The following PIK3CA variants were observed in gnomAD, a reference collection of about 807,000 sequenced individuals.
The protein encoded by PIK3CA is phosphatidylinositol 4,5-bisphosphate 3-kinase catalytic subunit alpha isoform.
In PIK3CA, 27 loss-of-function variants were observed where a neutral mutation model predicts 138.2. The observed-to-expected ratio is 0.20, with a 90% CI of 0.14 to 0.27. PIK3CA has a LOEUF of 0.27. Among genes scored for constraint, PIK3CA ranks in the 10% least tolerant of loss-of-function variants. The probability of loss-of-function intolerance (pLI) is 1.00; values close to 1 mark genes in which losing one functional copy is unlikely to be tolerated. For synonymous variants in PIK3CA, 358 were observed against 413.2 expected (o/e 0.87, Z 1.62); for missense variants, 544 against 1,277.4 (o/e 0.43, Z 8.75).
intron 1 of PIK3CA, among the ~76,000 whole-genome samples, chr3:179,193,654 T>C (rs1724192481): frequency 6.6e-6 from 1 of 152,264 alleles, no homozygotes; most frequent in Non-Finnish European, 1.5e-5. Context: ...ACACACACTC[T>C]TCTAAGCAAA....
intron 1 of PIK3CA, among the ~76,000 whole-genome samples, chr3:179,193,743 AATTT>A (rs1369901667): frequency 6.6e-6 from 1 of 152,272 alleles, no homozygotes; most frequent in Non-Finnish European, 1.5e-5. Flanking sequence ...AAGCAAAACC[AATTT>A]ATTTACTCTT....
In PIK3CA at chr3:179,201,395, A is replaced by G. The variant is rs943131817; in HGVS notation, c.668A>G (p.Glu223Gly). Reference sequence around the variant, plus strand: ...TGTGTACCAGAACAAGTAATTGCTGAAGCAATCAGGAAAAAAACTCGAAGT... The same window carrying G: ...TGTGTACCAGAACAAGTAATTGCTGGAGCAATCAGGAAAAAAACTCGAAGT... ...HDCVPEQVIA[E>G]AIRKKTRSML... is the part of the protein sequence containing the mutation. The change falls in exon 4 of 21, where the codon GAA becomes GGA. Residue 223 changes from glutamate (E) to glycine (G), a missense_variant. By Grantham distance (98) the Glu-to-Gly change is moderately conservative. Coordinates refer to ENST00000263967, the MANE Select transcript of PIK3CA (RefSeq NM_006218.4). The G allele has an allele frequency of 1.9e-6, 3 of 1,613,730 alleles. No individual in the cohort carries two copies. The highest frequency in any genetic ancestry group is 2.5e-6 in the Non-Finnish European group (3 of 1,179,786).
intron 1 of PIK3CA, among the ~76,000 whole-genome samples, chr3:179,172,148 T>A (rs186899282): frequency 6.6e-6 from 1 of 152,114 alleles, no homozygotes; most frequent in East Asian, 1.9e-4. Context: ...AAAAAAGTGA[T>A]CATCTCAATA....
intron 1 of PIK3CA, among the ~76,000 whole-genome samples, chr3:179,174,943 ATAAT>A (rs1178111168): frequency 6.6e-6 from 1 of 152,134 alleles, no homozygotes; most frequent in Non-Finnish European, 1.5e-5. Flanking sequence ...CTCACATGTG[ATAAT>A]TAGTTTGGTT....
chr3:179,162,130 C>A (rs983881640), intron 1 of PIK3CA, among the ~76,000 whole-genome samples: 1 of 151,882 alleles, frequency 6.6e-6, no homozygotes, highest in East Asian at 1.9e-4. Flanking sequence ...ATAAAACATA[C>A]AGAAATCTGA....
Position 179,189,833 on chromosome 3 carries a change from C to G in PIK3CA, c.-76-8917C>G, listed in dbSNP as rs1031424525. The stretch of plus-strand genomic sequence containing the variant: ...CCTGAAGTTGTAAAGGTCTTTCAGT[C>G]TCTCTAAAAGTGTGAGTTAAATCTG... On this transcript the variant is annotated intron_variant, in intron 1 of 20. Coordinates refer to ENST00000263967, the MANE Select transcript of PIK3CA (RefSeq NM_006218.4). Among the ~76,000 whole-genome samples, 4 of 152,208 alleles carry G rather than the reference C, an allele frequency of 2.6e-5. No homozygotes were observed. The East Asian group carries it at 7.7e-4, about 29-fold the overall frequency.
chr3:179,182,131 T>C (rs1196503660), intron 1 of PIK3CA, among the ~76,000 whole-genome samples: 2 of 152,236 alleles, frequency 1.3e-5, no homozygotes, highest in African/African-American at 2.4e-5. Context: ...TCTTACGTCT[T>C]CCTCTGTGCC....
At position 179,180,249 on chromosome 3, in the gene PIK3CA, C is replaced by G. The variant is rs561020436; in HGVS notation, c.-76-18501C>G. 2.0e-5 allele frequency among the ~76,000 whole-genome samples: 3 copies of G among 152,166 alleles called. No individual in the cohort carries two copies. The East Asian group carries it at 5.8e-4, about 29-fold the overall frequency. On this transcript the variant is annotated intron_variant, in intron 1 of 20. Transcript: ENST00000263967. ...GGCCTCTTGTCTTAGTTCATACTGT[C>G]TACTTAACCTGTTGCACTCTTCTCA...
At chr3:179,196,491 C>A (rs1379631107) in intron 1 of PIK3CA, among the ~76,000 whole-genome samples, 1 of 152,124 alleles carries the variant, frequency 6.6e-6, no homozygotes, top group Non-Finnish European at 1.5e-5. Flanking sequence ...GGAAAAAGGA[C>A]AATTATTTTA....
chr3:179,173,875 T>C (rs1429926084), intron 1 of PIK3CA, among the ~76,000 whole-genome samples: 1 of 151,598 alleles, frequency 6.6e-6, no homozygotes, highest in Non-Finnish European at 1.5e-5. Context: ...TACAGGCCCC[T>C]GCCACCACAC....
At chr3:179,164,736 GC>G (rs1723373032) in intron 1 of PIK3CA, among the ~76,000 whole-genome samples, 1 of 152,054 alleles carries the variant, frequency 6.6e-6, no homozygotes, top group Non-Finnish European at 1.5e-5. Context: ...AGGCATGGTG[GC>G]GCATACCTGT....
At chr3:179,156,712 C>G (rs906266579) in intron 1 of PIK3CA, among the ~76,000 whole-genome samples, 18 of 152,134 alleles carry the variant, frequency 1.2e-4, no homozygotes, top group African/African-American at 4.3e-4. Flanking sequence ...CAGCACACTG[C>G]TCAGGTAATG....
Position 179,178,120 on chromosome 3 carries a change from T to TG in PIK3CA, c.-76-20630_-76-20629insG, listed in dbSNP as rs1723747074. On this transcript the variant is annotated intron_variant, in intron 1 of 20. Coordinates refer to ENST00000263967, the MANE Select transcript of PIK3CA (RefSeq NM_006218.4). ...AAAAGTGTTTGGGTTTTTTTTTGTG[T>TG]TTTTTTTTTTTTGAAGTTAGCTAGG... Among the ~76,000 whole-genome samples, 9 of 50,522 alleles carry TG rather than the reference T, an allele frequency of 1.8e-4. No individual in the cohort carries two copies. The African/African-American group carries it at 1.8e-3, about 10-fold the overall frequency. The allele number at this position is 50,522 out of a possible 152,430, so 33.1% of individuals were successfully genotyped here.
At chr3:179,179,655 A>G (rs537596504) in intron 1 of PIK3CA, among the ~76,000 whole-genome samples, 10 of 152,348 alleles carry the variant, frequency 6.6e-5, no homozygotes, top group African/African-American at 2.4e-4. Context: ...TATGTTAACT[A>G]TAGTTCAATT....
chr3:179,159,870 A>C (rs1353557987), intron 1 of PIK3CA, among the ~76,000 whole-genome samples: 1 of 152,166 alleles, frequency 6.6e-6, no homozygotes, highest in Admixed American at 6.5e-5. Flanking sequence ...TACTATACTG[A>C]ATACCATAGG....
rs1215940796 is a variant in PIK3CA at position 179,209,167 on chromosome 3, C to T, written c.1146-428C>T. Among the ~76,000 whole-genome samples the T allele has an allele frequency of 5.9e-5, 9 of 151,838 alleles. No individual in the cohort carries two copies. The East Asian group carries it at 1.7e-3, about 29-fold the overall frequency. ...ATGTCTTCTGCTTTTAACAAATGCA[C>T]ACATTTCTGTGGTTTTATTCCTACA... On this transcript the variant is annotated intron_variant, in intron 6 of 20. Transcript: ENST00000263967.
intron 1 of PIK3CA, among the ~76,000 whole-genome samples, chr3:179,154,322 T>A (rs1328979988): frequency 6.6e-6 from 1 of 152,060 alleles, no homozygotes; most frequent in Non-Finnish European, 1.5e-5. Flanking sequence ...CTGCCTGTTG[T>A]CGGAGCAGCA....
chr3:179,164,610 G>A (rs1028115410), intron 1 of PIK3CA, among the ~76,000 whole-genome samples: 43 of 152,142 alleles, frequency 2.8e-4, no homozygotes, highest in African/African-American at 9.9e-4. Flanking sequence ...CCTCATGCCT[G>A]TAATCCCAGC....
At chr3:179,150,189 G>A (rs1163514445) in intron 1 of PIK3CA, among the ~76,000 whole-genome samples, 1 of 151,906 alleles carries the variant, frequency 6.6e-6, no homozygotes, top group Non-Finnish European at 1.5e-5. Context: ...GTGTGTGTGT[G>A]TGTGTGTGTG....
Sources: allele counts gnomAD v4.1 joint callset (sites outside exome capture counted in the v4.1 genomes callset), GRCh38; gene constraint gnomAD v4.1.1; transcripts MANE v1.5; gene names NCBI Gene and HGNC (gene_info 2026-07-23, HGNC 2026-07-21).